FGFR3: variants seen among roughly 807,000 people sequenced by gnomAD.
FGFR3 encodes FGFR-3.
Under a neutral mutation model 82.9 loss-of-function variants are expected in FGFR3, and 25 were observed. The ratio of observed to expected loss-of-function variants is 0.30; its 90% CI spans 0.22 to 0.42. The LOEUF (loss-of-function observed/expected upper bound fraction) is 0.42, where lower values mean the gene tolerates loss of function less well. Ranked by LOEUF, FGFR3 falls within the 10% of genes least tolerant of loss-of-function variation. The pLI, the probability that FGFR3 is intolerant of heterozygous loss-of-function variation, is 1.00. For missense variants in FGFR3, 1,026 were observed against 1,161.0 expected (o/e 0.88, Z 1.69); for synonymous variants, 620 against 516.0 (o/e 1.20, Z -2.73).
intron 2 of FGFR3, among the ~76,000 whole-genome samples, chr4:1,796,065 C>T (rs1041435384): frequency 6.6e-6 from 1 of 152,184 alleles, no homozygotes; most frequent in African/African-American, 2.4e-5. Flanking sequence ...GGCTTGGGGT[C>T]TCCTGGAGGA....
At chr4:1,796,298 TG>T (rs1720502335) in intron 2 of FGFR3, among the ~76,000 whole-genome samples, 1 of 152,134 alleles carries the variant, frequency 6.6e-6, no homozygotes, top group Non-Finnish European at 1.5e-5. Flanking sequence ...CAGATAACCC[TG>T]GCAAGCCCTC....
chr4:1,803,312 C>T (rs1268500060), intron 7 of FGFR3, among the ~76,000 whole-genome samples: 3 of 152,142 alleles, frequency 2.0e-5, no homozygotes, highest in Admixed American at 2.0e-4. Context: ...CCCACCGGGC[C>T]GGCTCCGTGC....
At chr4:1,794,709 G>A (rs897520520) in intron 2 of FGFR3, among the ~76,000 whole-genome samples, 1 of 152,124 alleles carries the variant, frequency 6.6e-6, no homozygotes, top group Non-Finnish European at 1.5e-5. Flanking sequence ...GAGGTCCCAA[G>A]GGGCGAGGGG....
chr4:1,798,318 G>A (rs941656971), intron 2 of FGFR3, among the ~76,000 whole-genome samples: 1 of 150,122 alleles, frequency 6.7e-6, no homozygotes, highest in African/African-American at 2.5e-5. Flanking sequence ...CCTCTGTGAG[G>A]GGGCCCCAGT....
In FGFR3 at chr4:1,807,526, G is replaced by T; in HGVS notation, c.*264G>T. Reference sequence around the variant, plus strand: ...GTCTCCTGACTGGTGCTGCAGCACCGAGGGGCCTTTGTTCTGGGGGGACCC... The same window carrying T: ...GTCTCCTGACTGGTGCTGCAGCACCTAGGGGCCTTTGTTCTGGGGGGACCC... On this transcript the variant is annotated 3_prime_UTR_variant, in exon 18 of 18. Coordinates refer to ENST00000440486, the MANE Select transcript of FGFR3 (RefSeq NM_000142.5). 2.8e-6 allele frequency: 2 copies of T among 714,716 alleles called. No homozygotes were observed. The highest frequency in any genetic ancestry group is 1.4e-5 in the South Asian group (1 of 69,090). 44.3% of individuals were successfully genotyped at this position (714,716 alleles called of 1,614,324 possible).
chr4:1,802,831 C>T (rs1721361005), intron 7 of FGFR3: 3 of 1,491,400 alleles, frequency 2.0e-6, no homozygotes, highest in Non-Finnish European at 2.7e-6. Context: ...TCGATCTGTA[C>T]CTTGGGGGTC....
chr4:1,793,626 G>A (rs868305100), intron 1 of FGFR3, among the ~76,000 whole-genome samples, 161 bp downstream of exon 1: 51 of 149,596 alleles, frequency 3.4e-4, no homozygotes, highest in African/African-American at 1.2e-3. Flanking sequence ...GCCCTGGGAG[G>A]GCTTTGCAGC....
intron 7 of FGFR3, chr4:1,802,765 CG>C: frequency 1.0e-6 from 1 of 997,744 alleles, no homozygotes. Context: ...CCACAGCCAC[CG>C]TGAAGTGCCT....
chr4:1,808,381 A>AT lies in FGFR3; in HGVS notation c.*1124dup. 4.3e-6 allele frequency: 1 copy of AT among 232,156 alleles called. No individual in the cohort carries two copies. Among genetic ancestry groups the AT allele is most frequent in the Admixed American group, 5.6e-5 (1 of 17,708 alleles). 14.4% of individuals were successfully genotyped at this position (232,156 alleles called of 1,614,324 possible). ...TTCAGGAGAATTAGATTTCTATAGG[A>AT]TTTTTCTTTAGGAGATTTATTTTTT... On this transcript the variant is annotated 3_prime_UTR_variant, in exon 18 of 18. Coordinates refer to ENST00000440486, the MANE Select transcript of FGFR3 (RefSeq NM_000142.5).
At chr4:1,806,017 G>C (rs762282227) in intron 13 of FGFR3, 34 bp from the exon 14 acceptor site, 2 of 1,612,702 alleles carry the variant, frequency 1.2e-6, no homozygotes, top group Non-Finnish European at 1.7e-6. Context: ...GAGAGGTGGA[G>C]AGGCTTCAGC....
chr4:1,798,957 C>T (rs1338355413), intron 2 of FGFR3, among the ~76,000 whole-genome samples: 1 of 152,262 alleles, frequency 6.6e-6, no homozygotes, highest in Admixed American at 6.5e-5. Context: ...TTTGAATTCT[C>T]CGTGTCCATG....
intron 7 of FGFR3, chr4:1,803,074 C>T (rs1179860453): frequency 1.3e-6 from 2 of 1,562,882 alleles, no homozygotes; most frequent in Non-Finnish European, 1.7e-6. Context: ...GGTAACGACT[C>T]TGTCCCATGC....
intron 8 of FGFR3, 92 bp from the exon 9 acceptor site, chr4:1,804,238 C>T (rs1189981697): frequency 7.0e-7 from 1 of 1,433,036 alleles, no homozygotes; most frequent in Non-Finnish European, 9.4e-7. Flanking sequence ...CCTTCCGCTC[C>T]CAGTGGTGCC....
rs778665933 is a variant in FGFR3, at chr4:1,799,848, TG to T, written c.445+40del. ...GGTCCAGGGTTCAGGCCAGCCGGGG[TG>T]GGGCCCGCTGCCACCGCCAAGCCCT... is the stretch of plus-strand genomic sequence containing the variant. On this transcript the variant is annotated intron_variant, in intron 4 of 17. Transcript: ENST00000440486. The T allele has an allele frequency of 2.5e-6, 4 of 1,605,280 alleles. No individual in the cohort carries two copies. In the South Asian group the frequency reaches 4.4e-5, roughly 18 times the overall value.
rs776259575 is a variant in FGFR3 at position 1,794,003 on chromosome 4, G to T, written c.69G>T (p.Glu23Asp). Residue 23 changes from glutamate to aspartate, a missense_variant, in exon 2 of 18, where the codon GAG (glutamate) becomes GAT (aspartate). By Grantham distance (45) the Glu-to-Asp change is conservative. Around this residue, in one of 9 missense-constraint regions of FGFR3, gnomAD observed 226 missense variants for 222.0 expected, o/e 1.02. Transcript: ENST00000440486. ...AVAIVAGASS[E>D]SLGTEQRVVG... ...CCATCGTGGCCGGCGCCTCCTCGGAGTCCTTGGGGACGGAGCAGCGCGTCG... is the reference window on the plus strand; with the variant it reads ...CCATCGTGGCCGGCGCCTCCTCGGATTCCTTGGGGACGGAGCAGCGCGTCG... The T allele has an allele frequency of 7.1e-7, 1 of 1,402,756 alleles. No individual in the cohort carries two copies. The highest frequency in any genetic ancestry group is 1.6e-5 in the South Asian group (1 of 61,470). The allele number at this position is 1,402,756 out of a possible 1,614,324, so 86.9% of individuals were successfully genotyped here. A position where few individuals can be genotyped will look rare whatever the true frequency, so the allele number is the denominator to read the frequency against.
intron 2 of FGFR3, 108 bp from the exon 3 acceptor site, chr4:1,799,146 T>G: frequency 6.7e-7 from 1 of 1,489,044 alleles, no homozygotes; most frequent in Non-Finnish European, 9.3e-7. Flanking sequence ...ACCCTGGATC[T>G]GGGTCAGAGC....
At chr4:1,803,344 G>A (rs1045742976) in intron 7 of FGFR3, among the ~76,000 whole-genome samples, 49 of 152,008 alleles carry the variant, frequency 3.2e-4, no homozygotes, top group African/African-American at 9.2e-4. Context: ...ACCCCTTTGC[G>A]CCTCTCTCCA....
intron 4 of FGFR3, among the ~76,000 whole-genome samples, chr4:1,800,827 G>A (rs944013811): frequency 3.9e-5 from 6 of 152,210 alleles, no homozygotes; most frequent in Non-Finnish European, 7.4e-5. Context: ...CCTGGACATC[G>A]AGATGGGAGG....
chr4:1,793,955 C>G lies in FGFR3; in HGVS notation c.21C>G (p.Ala7=). Residue 7 remains alanine (A), a synonymous_variant, in exon 2 of 18, where the codon GCC becomes GCG. Transcript: ENST00000440486. ...CCGCCATGGGCGCCCCTGCCTGCGC[C>G]CTCGCGCTCTGCGTGGCCGTGGCCA... The part of the protein sequence containing the change: MGAPAC[A]LALCVAVAIV... 1.5e-6 allele frequency: 2 copies of G among 1,356,730 alleles called. No homozygotes were observed. Among genetic ancestry groups the G allele is most frequent in the Non-Finnish European group, 9.6e-7 (1 of 1,041,700 alleles). The allele number at this position is 1,356,730 out of a possible 1,614,324, so 84.0% of individuals were successfully genotyped here. A position where few individuals can be genotyped will look rare whatever the true frequency, so the allele number is the denominator to read the frequency against.
Sources: allele counts gnomAD v4.1 joint callset (sites outside exome capture counted in the v4.1 genomes callset), GRCh38; gene constraint gnomAD v4.1.1; regional missense constraint gnomAD v4.1.1; transcripts MANE v1.5; gene names NCBI Gene and HGNC (gene_info 2026-07-23, HGNC 2026-07-21).